The following RABGAP1L variants were observed in gnomAD, a reference collection of about 807,000 sequenced individuals.
RABGAP1L encodes RAB GTPase activating protein 1 like.
Under a neutral mutation model 137.7 loss-of-function variants are expected in RABGAP1L, and 63 were observed. That is an observed-to-expected ratio of 0.46 (90% confidence interval 0.37 to 0.56). The LOEUF (loss-of-function observed/expected upper bound fraction) is 0.56, where lower values mean the gene tolerates loss of function less well. Among genes scored for constraint, RABGAP1L ranks in the 20% least tolerant of loss-of-function variants. RABGAP1L has a pLI of 0.00. For missense variants in RABGAP1L, 1,095 were observed against 1,244.0 expected (o/e 0.88, Z 1.80); for synonymous variants, 431 against 433.7 (o/e 0.99, Z 0.08).
rs139464224 is a variant in RABGAP1L, at chr1:174,532,861, T to C, written c.1711-104514T>C. Reference sequence around the variant, plus strand: ...CCACTAATACCACTTATAACAAGTTTTGTTGTATTTCTAAAAACTGATAAA... The same window carrying C: ...CCACTAATACCACTTATAACAAGTTCTGTTGTATTTCTAAAAACTGATAAA... On this transcript the variant is annotated intron_variant, in intron 13 of 25. Coordinates refer to ENST00000681986, the MANE Select transcript of RABGAP1L (RefSeq NM_001366446.1). 3.6e-3 allele frequency among the ~76,000 whole-genome samples: 543 copies of C among 152,364 alleles called. 2 individuals carry two copies. The highest frequency in any genetic ancestry group is 0.01 in the Middle Eastern group (3 of 294).
At chr1:174,560,462 G>T (rs1465834318) in intron 13 of RABGAP1L, among the ~76,000 whole-genome samples, 1 of 152,230 alleles carries the variant, frequency 6.6e-6, no homozygotes, top group Non-Finnish European at 1.5e-5. Flanking sequence ...AGTAAGCTGA[G>T]AATAGGGGCA....
chr1:174,893,800 T>C lies in RABGAP1L; in HGVS notation c.2341-63657T>C, dbSNP rs140204521. 4.6e-5 allele frequency among the ~76,000 whole-genome samples: 7 copies of C among 152,302 alleles called. No individual in the cohort carries two copies. In the East Asian group the frequency reaches 1.4e-3, roughly 29 times the overall value. ...GCTCTCTTCTGGAAGAATCCTAATA[T>C]TATTAATAGCAAGTCTTCCACTTGT... is the stretch of plus-strand genomic sequence containing the variant. On this transcript the variant is annotated intron_variant, in intron 19 of 25. Coordinates refer to ENST00000681986, the MANE Select transcript of RABGAP1L (RefSeq NM_001366446.1).
chr1:174,276,010 A>T, intron 9 of RABGAP1L, 75 bp downstream of exon 9: 8 of 1,239,548 alleles, frequency 6.5e-6, no homozygotes, highest in Non-Finnish European at 8.9e-6. Flanking sequence ...GTCATGTTTT[A>T]AAAAAAATTT....
chr1:174,571,221 A>G (rs1667955712), intron 13 of RABGAP1L, among the ~76,000 whole-genome samples: 1 of 152,144 alleles, frequency 6.6e-6, no homozygotes, highest in Non-Finnish European at 1.5e-5. Flanking sequence ...AAAAATCAAA[A>G]CAATTGAACT....
chr1:174,901,070 C>T (rs1413353180), intron 19 of RABGAP1L, among the ~76,000 whole-genome samples: 1 of 152,106 alleles, frequency 6.6e-6, no homozygotes, highest in African/African-American at 2.4e-5. Context: ...ATTCTTTCCC[C>T]TCTTTGGTCT....
chr1:174,882,790 C>A (rs1654445524), intron 19 of RABGAP1L, among the ~76,000 whole-genome samples: 1 of 152,010 alleles, frequency 6.6e-6, no homozygotes. Flanking sequence ...ACTGTGATAA[C>A]CTAAACAAAA....
chr1:174,988,647 A>G lies in RABGAP1L; in HGVS notation c.2812A>G (p.Met938Val). Residue 938 changes from methionine to valine, a missense_variant, in exon 25 of 26, where the codon ATG becomes GTG. Physicochemically the swap from Met to Val is conservative, Grantham distance 21. Around this residue, in one of 4 missense-constraint regions of RABGAP1L, gnomAD observed 312 missense variants for 435.6 expected, o/e 0.72. Transcript: ENST00000681986. ...KEELEVVKGK[M>V]MACKHCSDIF... ...TCTCTTTTGGATACTTTAGGGTAAG[A>G]TGATGGCATGCAAACACTGCAGTGA... 1 of 1,541,026 alleles carries G rather than the reference A, an allele frequency of 6.5e-7. No homozygotes were observed. Among genetic ancestry groups the G allele is most frequent in the Non-Finnish European group, 8.7e-7 (1 of 1,142,880 alleles).
intron 11 of RABGAP1L, among the ~76,000 whole-genome samples, chr1:174,349,573 C>T (rs1202505486): frequency 9.0e-4 from 121 of 134,322 alleles, no homozygotes; most frequent in African/African-American, 2.5e-3. Context: ...GGCCACTGGC[C>T]GGGCAGGGGG....
chr1:174,916,011 T>C (rs1314090944), intron 19 of RABGAP1L, among the ~76,000 whole-genome samples: 1 of 151,990 alleles, frequency 6.6e-6, no homozygotes, highest in African/African-American at 2.4e-5. Context: ...CTTTCTCTTA[T>C]GTTTTCTTCT....
At chr1:174,363,688 A>G (rs1371209204) in intron 11 of RABGAP1L, among the ~76,000 whole-genome samples, 1 of 152,040 alleles carries the variant, frequency 6.6e-6, no homozygotes, top group Non-Finnish European at 1.5e-5. Context: ...TGGGTCTGTC[A>G]TATTTGGCTT....
rs77257952 is a variant in RABGAP1L, at chr1:174,249,662, T to G, written c.718-813T>G. Among the ~76,000 whole-genome samples the G allele has an allele frequency of 2.3e-3, 344 of 151,326 alleles. 1 individual carries two copies. The highest frequency in any genetic ancestry group is 3.6e-3 in the Non-Finnish European group (241 of 67,688). ...TCTTTCTTTCTTTCTTTTTTTTTTT[T>G]GGAGACAGAGTCTTGCTCTGTCACC... On this transcript the variant is annotated intron_variant, in intron 5 of 25. Transcript: ENST00000681986.
chr1:174,974,285 C>T (rs1042019949), intron 21 of RABGAP1L, among the ~76,000 whole-genome samples: 5 of 152,028 alleles, frequency 3.3e-5, no homozygotes, highest in African/African-American at 9.7e-5. Context: ...CCACCGCACC[C>T]GGCTGTACAG....
chr1:174,619,245 A>G (rs921383652), intron 13 of RABGAP1L, among the ~76,000 whole-genome samples: 4 of 152,236 alleles, frequency 2.6e-5, no homozygotes, highest in Non-Finnish European at 5.9e-5. Flanking sequence ...AACTTCCCCA[A>G]TCTAGCAAGG....
chr1:174,613,751 T>C (rs1295934557), intron 13 of RABGAP1L, among the ~76,000 whole-genome samples: 1 of 152,222 alleles, frequency 6.6e-6, no homozygotes, highest in Non-Finnish European at 1.5e-5. Flanking sequence ...CTGTATTGGG[T>C]GCATATATAT....
intron 17 of RABGAP1L, among the ~76,000 whole-genome samples, chr1:174,708,284 C>T (rs998340079): frequency 6.6e-6 from 1 of 151,986 alleles, no homozygotes; most frequent in African/African-American, 2.4e-5. Context: ...CCCCATTCTC[C>T]CCCACAAAAA....
At chr1:174,700,195 T>G (rs2148518790) in intron 16 of RABGAP1L, among the ~76,000 whole-genome samples, 1 of 152,348 alleles carries the variant, frequency 6.6e-6, no homozygotes, top group African/African-American at 2.4e-5. Flanking sequence ...TCCTTTTATA[T>G]ATACCAAATA....
chr1:174,724,982 A>C (rs1681870479), intron 17 of RABGAP1L, among the ~76,000 whole-genome samples: 1 of 152,194 alleles, frequency 6.6e-6, no homozygotes, highest in Non-Finnish European at 1.5e-5. Context: ...TCTAGAACAC[A>C]AGAGCAGTTG....
At chr1:174,319,403 T>C (rs891368678) in intron 11 of RABGAP1L, among the ~76,000 whole-genome samples, 1 of 152,152 alleles carries the variant, frequency 6.6e-6, no homozygotes, top group African/African-American at 2.4e-5. Flanking sequence ...AACCTTACTA[T>C]TCTTGGTTAT....
chr1:174,716,317 T>C (rs2148574096), intron 17 of RABGAP1L, among the ~76,000 whole-genome samples: 1 of 152,242 alleles, frequency 6.6e-6, no homozygotes, highest in South Asian at 2.1e-4. Flanking sequence ...GAGAGTAGAG[T>C]GCAGTGGCTA....
Sources: allele counts gnomAD v4.1 joint callset (sites outside exome capture counted in the v4.1 genomes callset), GRCh38; gene constraint gnomAD v4.1.1; regional missense constraint gnomAD v4.1.1; transcripts MANE v1.5; gene names NCBI Gene and HGNC (gene_info 2026-07-23, HGNC 2026-07-21).